The following EVI5 variants were observed in gnomAD, a reference collection of about 807,000 sequenced individuals.
EVI5 encodes ecotropic viral integration site 5 protein homolog.
Under a neutral mutation model 112.0 loss-of-function variants are expected in EVI5, and 73 were observed. The observed-to-expected ratio is 0.65, with a 90% CI of 0.54 to 0.79. The LOEUF is 0.79. Ranked by LOEUF, EVI5 falls within the 30% of genes least tolerant of loss-of-function variation. The pLI, the probability that EVI5 is intolerant of heterozygous loss-of-function variation, is 0.00. For synonymous variants in EVI5, 305 were observed against 319.9 expected (o/e 0.95, Z 0.50); for missense variants, 900 against 968.8 (o/e 0.93, Z 0.94).
rs1329836819 is a variant in EVI5, at chr1:92,703,634, A to G, written c.340-15T>C. ...TGAACAAGTTCCTAAAAATAAAATA[A>G]AATTACAAAAATGAATTATTTAAGT... On this transcript the variant is annotated splice_polypyrimidine_tract_variant and intron_variant, in intron 3 of 19. Coordinates refer to ENST00000684568, the MANE Select transcript of EVI5 (RefSeq NM_001350197.2). The G allele has an allele frequency of 1.4e-6, 2 of 1,459,654 alleles. No individual in the cohort carries two copies. Among genetic ancestry groups the G allele is most frequent in the African/African-American group, 1.4e-5 (1 of 69,024 alleles). The allele number at this position is 1,459,654 out of a possible 1,614,324, so 90.4% of individuals were successfully genotyped here.
chr1:92,717,629 G>C (rs770949598), intron 2 of EVI5, among the ~76,000 whole-genome samples: 2 of 152,148 alleles, frequency 1.3e-5, no homozygotes, highest in South Asian at 4.1e-4. Context: ...TGAAGAAACT[G>C]TATCAATTAA....
intron 11 of EVI5, among the ~76,000 whole-genome samples, 167 bp from the exon 12 acceptor site, chr1:92,663,619 C>G (rs1664396047): frequency 6.6e-6 from 1 of 151,946 alleles, no homozygotes; most frequent in Non-Finnish European, 1.5e-5. Flanking sequence ...ATTTTTAAAC[C>G]TTAAGAAAAA....
At chr1:92,752,402 T>C (rs972053086) in intron 1 of EVI5, among the ~76,000 whole-genome samples, 2 of 152,172 alleles carry the variant, frequency 1.3e-5, no homozygotes, top group African/African-American at 2.4e-5. Flanking sequence ...CTCGAACTCC[T>C]GGCCTCAAGT....
At chr1:92,778,079 T>C (rs1684388670) in intron 1 of EVI5, among the ~76,000 whole-genome samples, 2 of 152,044 alleles carry the variant, frequency 1.3e-5, no homozygotes. Flanking sequence ...CAGCTAATTT[T>C]TGTATTTTTA....
intron 13 of EVI5, among the ~76,000 whole-genome samples, chr1:92,644,585 CTTAGA>C (rs1201100062): frequency 6.6e-6 from 1 of 152,020 alleles, no homozygotes; most frequent in Non-Finnish European, 1.5e-5. Flanking sequence ...AAGGTGGGAG[CTTAGA>C]TTATTGGTTT....
chr1:92,687,559 GAGCTTCTGCACAGCAGA>G (rs1008244829), intron 9 of EVI5, among the ~76,000 whole-genome samples: 10 of 152,158 alleles, frequency 6.6e-5, no homozygotes, highest in Non-Finnish European at 1.5e-4. Context: ...TTAAACTAAA[GAGCTTCTGCACAGCAGA>G]AGAAACTATC....
At chr1:92,741,530 C>T (rs1400910836) in intron 1 of EVI5, among the ~76,000 whole-genome samples, 1 of 151,968 alleles carries the variant, frequency 6.6e-6, no homozygotes, top group African/African-American at 2.4e-5. Context: ...ACTCTATTTT[C>T]GAAAAGGGCC....
chr1:92,788,750 C>T (rs943970406), upstream of EVI5, among the ~76,000 whole-genome samples: 13 of 151,956 alleles, frequency 8.6e-5, no homozygotes, highest in East Asian at 3.9e-4. Flanking sequence ...GCCGAGATCG[C>T]GCCACTGCTC....
intron 2 of EVI5, among the ~76,000 whole-genome samples, chr1:92,711,737 A>T (rs1672880973): frequency 6.6e-6 from 1 of 152,240 alleles, no homozygotes; most frequent in African/African-American, 2.4e-5. Context: ...TGTAACACCA[A>T]AGAAACAAGA....
rs1249194028 is a variant in EVI5 at position 92,510,658 on chromosome 1, A to G, written c.*2998T>C. On this transcript the variant is annotated 3_prime_UTR_variant, in exon 20 of 20. Transcript: ENST00000684568. ...ACCTGGGCCATATGGTCTCCCTTGC[A>G]ATGACTCAACTCTGCTACTGTAGCA... is the stretch of plus-strand genomic sequence containing the variant. 1 of 152,234 alleles carries G rather than the reference A, an allele frequency of 6.6e-6. No homozygotes were observed. Among genetic ancestry groups the G allele is most frequent in the Admixed American group, 6.5e-5 (1 of 15,276 alleles). The allele number at this position is 152,234 out of a possible 1,614,324, so 9.4% of individuals were successfully genotyped here.
At chr1:92,662,081 G>A (rs1020888635) in intron 13 of EVI5, among the ~76,000 whole-genome samples, 11 of 152,120 alleles carry the variant, frequency 7.2e-5, no homozygotes, top group Admixed American at 5.9e-4. Context: ...TAGCTGTTTA[G>A]TACGCACCCT....
chr1:92,626,176 A>G (rs1655622244), intron 14 of EVI5, among the ~76,000 whole-genome samples: 1 of 152,182 alleles, frequency 6.6e-6, no homozygotes, highest in Non-Finnish European at 1.5e-5. Flanking sequence ...ATCATGCAAA[A>G]AAGAAAACCT....
At chr1:92,610,788 T>C (rs1301386392) in intron 16 of EVI5, among the ~76,000 whole-genome samples, 1 of 148,918 alleles carries the variant, frequency 6.7e-6, no homozygotes, top group African/African-American at 2.5e-5. Flanking sequence ...CAGGATAAAA[T>C]AGAAAAAAAA....
upstream of EVI5, among the ~76,000 whole-genome samples, chr1:92,789,057 A>T (rs1250678298): frequency 6.6e-6 from 1 of 152,168 alleles, no homozygotes; most frequent in Non-Finnish European, 1.5e-5. Context: ...AGAGTTTTTA[A>T]CACAGTCAGT....
rs548137869 is a variant in EVI5, at chr1:92,762,010, G to A, written c.-82+22826C>T. On this transcript the variant is annotated intron_variant, in intron 1 of 19. Coordinates refer to ENST00000684568, the MANE Select transcript of EVI5 (RefSeq NM_001350197.2). ...TCCAAAAAGAAGAATTTCAAGTTAT[G>A]TCTTTCACTTATTTAAGCTAACAAC... Among the ~76,000 whole-genome samples, 4 of 152,212 alleles carry A rather than the reference G, an allele frequency of 2.6e-5. No individual in the cohort carries two copies. The South Asian group carries it at 8.3e-4, about 32-fold the overall frequency.
At chr1:92,745,098 ATTTTTTT>A (rs750800778) in intron 1 of EVI5, among the ~76,000 whole-genome samples, 4 of 129,826 alleles carry the variant, frequency 3.1e-5, no homozygotes, top group Non-Finnish European at 4.9e-5. Flanking sequence ...TGCCAGGCTA[ATTTTTTT>A]TTTTTTTTTT....
At chr1:92,635,908 C>T (rs1480912936) in intron 14 of EVI5, among the ~76,000 whole-genome samples, 2 of 152,174 alleles carry the variant, frequency 1.3e-5, no homozygotes, top group Non-Finnish European at 2.9e-5. Flanking sequence ...ACCTGAGTTT[C>T]TCTCTTCTGC....
In EVI5 at chr1:92,736,402, T is replaced by C. The variant is rs1250287821; in HGVS notation, c.145A>G (p.Asn49Asp). 3.8e-6 allele frequency: 6 copies of C among 1,598,698 alleles called. No individual in the cohort carries two copies. Among genetic ancestry groups the C allele is most frequent in the Non-Finnish European group, 5.1e-6 (6 of 1,166,112 alleles). ...LELLAKLEEQNRLLETDSKSL... is the reference protein window; with the variant it reads ...LELLAKLEEQDRLLETDSKSL... ...AAGCTAAGCAACCTCACTCACCTAT[T>C]CTGTTCTTCCAGTTTAGCCAGGAGT... The change falls in exon 2 of 20, where the codon AAT (asparagine) becomes GAT (aspartate). Residue 49 changes from asparagine to aspartate, a missense_variant. By Grantham distance (23) the Asn-to-Asp change is conservative. Transcript: ENST00000684568.
intron 18 of EVI5, among the ~76,000 whole-genome samples, chr1:92,593,202 C>T (rs1416521496): frequency 6.6e-6 from 1 of 152,198 alleles, no homozygotes; most frequent in Admixed American, 6.5e-5. Context: ...TACAGCAGCA[C>T]ATCAAAAAGC....
Sources: gnomAD v4.1 joint callset for allele counts (sites outside exome capture counted in the v4.1 genomes callset) on GRCh38, gnomAD v4.1.1 for gene constraint, MANE v1.5 for transcripts, NCBI Gene and HGNC (gene_info 2026-07-23, HGNC 2026-07-21) for gene names.